SNX7: variants seen among roughly 807,000 people sequenced by gnomAD.
SNX7 encodes the protein sorting nexin-7.
A neutral mutation model predicts 48.4 loss-of-function variants in SNX7; 35 were observed. The ratio of observed to expected loss-of-function variants is 0.72; its 90% confidence interval spans 0.55 to 0.96. SNX7 has a LOEUF of 0.96. Among genes scored for constraint, SNX7 ranks in the 40% least tolerant of loss-of-function variants. The pLI is 0.00. For synonymous variants in SNX7, 190 were observed against 190.2 expected (o/e 1.00, Z 0.01); for missense variants, 553 against 548.9 (o/e 1.01, Z -0.07).
intron 2 of SNX7, among the ~76,000 whole-genome samples, chr1:98,687,419 A>T (rs1650864551): frequency 6.6e-6 from 1 of 152,120 alleles, no homozygotes; most frequent in Non-Finnish European, 1.5e-5. Flanking sequence ...CTATATCTAT[A>T]TATACAGAAA....
intron 7 of SNX7, among the ~76,000 whole-genome samples, chr1:98,728,251 A>G (rs1653297913): frequency 6.6e-6 from 1 of 152,216 alleles, no homozygotes; most frequent in Non-Finnish European, 1.5e-5. Flanking sequence ...TAAAGAAAAT[A>G]ATTTCCAACC....
intron 1 of SNX7, among the ~76,000 whole-genome samples, chr1:98,669,475 T>G (rs1323379024): frequency 2.6e-5 from 4 of 152,234 alleles, no homozygotes; most frequent in Non-Finnish European, 5.9e-5. Flanking sequence ...CAGCTGTTGA[T>G]GTTTAGGCTG....
At chr1:98,738,610 A>T (rs1053530164) in intron 8 of SNX7, among the ~76,000 whole-genome samples, 1 of 152,156 alleles carries the variant, frequency 6.6e-6, no homozygotes, top group African/African-American at 2.4e-5. Flanking sequence ...AATGCTTTCT[A>T]ATGATTGTCC....
Position 98,661,888 on chromosome 1 carries a change from G to C in SNX7, c.157G>C (p.Asp53His). ...AEVLDLDEDE[D>H]DLEVFSKDAS... ...GGTGCTGGATCTGGACGAGGACGAGGACGACCTGGAGGTGTTCAGCAAGGT... is the reference window on the plus strand; with the variant it reads ...GGTGCTGGATCTGGACGAGGACGAGCACGACCTGGAGGTGTTCAGCAAGGT... Residue 53 changes from aspartate (D) to histidine (H), a missense_variant, in exon 1 of 9, where the codon GAC becomes CAC. Coordinates refer to ENST00000306121, the MANE Select transcript of SNX7 (RefSeq NM_015976.5). 8.0e-7 allele frequency: 1 copy of C among 1,247,314 alleles called. No individual in the cohort carries two copies. 77.3% of individuals were successfully genotyped at this position (1,247,314 alleles called of 1,614,324 possible).
At chr1:98,676,263 A>G (rs1454871916) in intron 1 of SNX7, among the ~76,000 whole-genome samples, 1 of 152,116 alleles carries the variant, frequency 6.6e-6, no homozygotes, top group Non-Finnish European at 1.5e-5. Flanking sequence ...AATCATCTTT[A>G]AGTCACTATG....
At chr1:98,749,109 G>A (rs1349122254) in intron 8 of SNX7, among the ~76,000 whole-genome samples, 1 of 152,094 alleles carries the variant, frequency 6.6e-6, no homozygotes, top group East Asian at 1.9e-4. Context: ...CAATGATGTG[G>A]TATAGAAAAA....
At chr1:98,752,289 C>G (rs1034225294) in intron 8 of SNX7, among the ~76,000 whole-genome samples, 1 of 151,846 alleles carries the variant, frequency 6.6e-6, no homozygotes, top group Non-Finnish European at 1.5e-5. Flanking sequence ...ATTTAAGGAG[C>G]CTTAGAGATC....
At chr1:98,749,260 G>A (rs1390909064) in intron 8 of SNX7, among the ~76,000 whole-genome samples, 1 of 151,856 alleles carries the variant, frequency 6.6e-6, no homozygotes, top group Admixed American at 6.6e-5. Flanking sequence ...TTTTATCTAG[G>A]GCTCCATCTG....
intron 8 of SNX7, among the ~76,000 whole-genome samples, chr1:98,749,726 T>G (rs1045121021): frequency 1.3e-5 from 2 of 152,106 alleles, no homozygotes; most frequent in East Asian, 1.9e-4. Flanking sequence ...TTTAGGAGAT[T>G]TAAAAAGTTA....
intron 4 of SNX7, 21 bp from the exon 5 acceptor site, chr1:98,695,496 AT>A: frequency 6.2e-7 from 1 of 1,607,314 alleles, no homozygotes; most frequent in Non-Finnish European, 8.5e-7. Context: ...TTCACTAGAA[AT>A]ACTTGGTTTT....
At chr1:98,727,995 T>C (rs1653279658) in intron 7 of SNX7, among the ~76,000 whole-genome samples, 2 of 152,166 alleles carry the variant, frequency 1.3e-5, no homozygotes, top group Admixed American at 1.3e-4. Flanking sequence ...TTCTCTAACC[T>C]AGCAGGACTG....
At chr1:98,741,035 A>G (rs1416420517) in intron 8 of SNX7, among the ~76,000 whole-genome samples, 1 of 152,178 alleles carries the variant, frequency 6.6e-6, no homozygotes, top group Non-Finnish European at 1.5e-5. Flanking sequence ...ATTAAGGCCT[A>G]AACAGCAACA....
intron 7 of SNX7, among the ~76,000 whole-genome samples, chr1:98,716,561 C>T (rs74110448): frequency 0.012 from 1,845 of 152,172 alleles, 30 homozygotes; most frequent in African/African-American, 0.042. Flanking sequence ...AATCCACTAC[C>T]ATGAGTAGGG....
At chr1:98,698,277 T>A (rs528688503) in intron 5 of SNX7, among the ~76,000 whole-genome samples, 100 of 152,226 alleles carry the variant, frequency 6.6e-4, no homozygotes, top group South Asian at 2.9e-3. Context: ...AACCTCCCAA[T>A]TTTTTGCTTA....
At chr1:98,756,437 T>C (rs1654859013) in intron 8 of SNX7, among the ~76,000 whole-genome samples, 1 of 146,322 alleles carries the variant, frequency 6.8e-6, no homozygotes, top group South Asian at 2.2e-4. Flanking sequence ...TTTTTTTTTT[T>C]TTTTTTTTTA....
At chr1:98,691,439 A>C in intron 3 of SNX7, 96 bp from the exon 4 acceptor site, 1 of 1,002,014 alleles carries the variant, frequency 1.0e-6, no homozygotes, top group South Asian at 2.4e-5. Context: ...AAATGATCAG[A>C]TGTTCAACTA....
chr1:98,747,978 C>CTT lies in SNX7; in HGVS notation c.1278+9604_1278+9605dup, dbSNP rs372674344. Among the ~76,000 whole-genome samples, 535 of 131,854 alleles carry CTT rather than the reference C, an allele frequency of 4.1e-3. 17 individuals are homozygous for CTT. In the South Asian group the frequency reaches 0.047, roughly 12 times the overall value. 86.5% of individuals were successfully genotyped at this position (131,854 alleles called of 152,430 possible). A position where few individuals can be genotyped will look rare whatever the true frequency, so the allele number is the denominator to read the frequency against. On this transcript the variant is annotated intron_variant, in intron 8 of 8. Coordinates refer to ENST00000306121, the MANE Select transcript of SNX7 (RefSeq NM_015976.5). ...AATATTTTTGTTTTACAGGTTTTTA[C>CTT]TTTTTTTTTTTTTTTTGAGATGGAG...
At position 98,695,611 on chromosome 1, in the gene SNX7, A is replaced by ATTT; in HGVS notation, c.733_734insTTT (p.Asn245delinsIleTyr). On this transcript the variant is annotated protein_altering_variant, in exon 5 of 9. Transcript: ENST00000306121. Reference sequence around the variant, plus strand: ...TGCGTCCTCAATGAGAGGAGTTAAAAACCGCCCAGAGGAGTTCATGGAAAT... The same window carrying ATTT: ...TGCGTCCTCAATGAGAGGAGTTAAAATTTACCGCCCAGAGGAGTTCATGGAAAT... The ATTT allele has an allele frequency of 6.2e-7, 1 of 1,614,156 alleles. No individual in the cohort carries two copies. The highest frequency in any genetic ancestry group is 8.5e-7 in the Non-Finnish European group (1 of 1,180,000).
intron 7 of SNX7, among the ~76,000 whole-genome samples, chr1:98,705,944 A>G (rs1237656610): frequency 1.3e-5 from 2 of 152,162 alleles, no homozygotes; most frequent in African/African-American, 4.8e-5. Flanking sequence ...CAAGTTGTTA[A>G]TAACTAACAT....
Sources: allele counts gnomAD v4.1 joint callset (sites outside exome capture counted in the v4.1 genomes callset), GRCh38; gene constraint gnomAD v4.1.1; transcripts MANE v1.5; gene names NCBI Gene and HGNC (gene_info 2026-07-23, HGNC 2026-07-21).